The following SYBU variants were observed in gnomAD, a reference collection of about 807,000 sequenced individuals.
The protein encoded by SYBU is GOLSYN A protein.
SYBU carries 21 observed loss-of-function variants against 35.9 expected under a neutral mutation model. The ratio of observed to expected loss-of-function variants is 0.58; its 90% confidence interval spans 0.41 to 0.84. The LOEUF (loss-of-function observed/expected upper bound fraction) is 0.84, where lower values mean the gene tolerates loss of function less well. Ranked by LOEUF, SYBU falls within the 40% of genes least tolerant of loss-of-function variation. The probability of loss-of-function intolerance (pLI) is 0.00; values close to 1 mark genes in which losing one functional copy is unlikely to be tolerated. For missense variants in SYBU, 768 were observed against 848.2 expected, an observed-to-expected ratio of 0.91 and a Z score of 1.17; for synonymous variants, 319 against 324.3, an observed-to-expected ratio of 0.98 and a Z score of 0.18.
chr8:109,628,627 G>A (rs1423344913), intron 2 of SYBU, among the ~76,000 whole-genome samples: 1 of 152,120 alleles, frequency 6.6e-6, no homozygotes, highest in African/African-American at 2.4e-5. Context: ...ATAGGCATGA[G>A]CGGCTGCACC....
At chr8:109,607,279 T>A (rs1305127104) in intron 3 of SYBU, among the ~76,000 whole-genome samples, 1 of 152,228 alleles carries the variant, frequency 6.6e-6, no homozygotes, top group Non-Finnish European at 1.5e-5. Flanking sequence ...CCCAATTCCA[T>A]GAACATTAAC....
intron 1 of SYBU, among the ~76,000 whole-genome samples, chr8:109,654,437 C>T (rs1816275913): frequency 6.6e-6 from 1 of 152,162 alleles, no homozygotes; most frequent in Non-Finnish European, 1.5e-5. Flanking sequence ...TTTTCTGGAA[C>T]ATTGCCCTCC....
chr8:109,643,234 C>A (rs1477959259), intron 1 of SYBU: 27 of 1,046,060 alleles, frequency 2.6e-5, no homozygotes, highest in Non-Finnish European at 3.0e-5. Flanking sequence ...GGTCCTGACT[C>A]ACCTTCCCAC....
intron 3 of SYBU, among the ~76,000 whole-genome samples, chr8:109,593,128 G>T (rs1824471201): frequency 6.6e-6 from 1 of 152,158 alleles, no homozygotes; most frequent in East Asian, 1.9e-4. Flanking sequence ...GAGGAGGGTG[G>T]CCCAGGCATC....
rs546916269 is a variant in SYBU at position 109,644,663 on chromosome 8, G to T, written c.-4C>A. Reference sequence around the variant, plus strand: ...TGCTCTCGCGGAGGGGCCCCATCGCGCCGCTGCCCGCCGGCTCCTCGCGCC... The same window carrying T: ...TGCTCTCGCGGAGGGGCCCCATCGCTCCGCTGCCCGCCGGCTCCTCGCGCC... On this transcript the variant is annotated 5_prime_UTR_variant, in exon 1 of 7. Coordinates refer to ENST00000276646, the MANE Select transcript of SYBU (RefSeq NM_001099754.2). 3.3e-6 allele frequency: 5 copies of T among 1,518,852 alleles called. No individual in the cohort carries two copies. In the African/African-American group the frequency reaches 7.1e-5, roughly 22 times the overall value. 94.1% of individuals were successfully genotyped at this position (1,518,852 alleles called of 1,614,324 possible). A position where few individuals can be genotyped will look rare whatever the true frequency, so the allele number is the denominator to read the frequency against.
At chr8:109,601,506 A>C (rs1173141893) in intron 3 of SYBU, among the ~76,000 whole-genome samples, 1 of 152,210 alleles carries the variant, frequency 6.6e-6, no homozygotes, top group Non-Finnish European at 1.5e-5. Flanking sequence ...ACAGACAAAC[A>C]ACCAGGATAT....
intron 1 of SYBU, among the ~76,000 whole-genome samples, chr8:109,670,691 T>C (rs572804396): frequency 6.6e-6 from 1 of 152,122 alleles, no homozygotes; most frequent in Non-Finnish European, 1.5e-5. Flanking sequence ...GATCTTTAAA[T>C]AAAATTTTAA....
At chr8:109,610,443 G>T (rs970761644) in intron 3 of SYBU, among the ~76,000 whole-genome samples, 3 of 152,122 alleles carry the variant, frequency 2.0e-5, no homozygotes, top group Admixed American at 1.3e-4. Flanking sequence ...TGAAATGAGG[G>T]TTCCCTTTCC....
At chr8:109,638,384 T>G (rs562872612) in intron 2 of SYBU, among the ~76,000 whole-genome samples, 2 of 151,924 alleles carry the variant, frequency 1.3e-5, no homozygotes, top group African/African-American at 4.8e-5. Context: ...GGGAGAAAAA[T>G]GGATAGAGGC....
chr8:109,608,285 C>T (rs1406699737), intron 3 of SYBU, among the ~76,000 whole-genome samples: 1 of 152,164 alleles, frequency 6.6e-6, no homozygotes, highest in Non-Finnish European at 1.5e-5. Context: ...GATGAATCCT[C>T]GGACAATATT....
intron 2 of SYBU, among the ~76,000 whole-genome samples, chr8:109,625,257 C>T (rs1054129901): frequency 2.0e-5 from 3 of 152,180 alleles, no homozygotes; most frequent in Non-Finnish European, 4.4e-5. Context: ...GAATATCCTG[C>T]TATCATTTAA....
Position 109,644,492 on chromosome 8 carries a change from G to A in SYBU, c.24+144C>T, listed in dbSNP as rs1050138096. On this transcript the variant is annotated intron_variant, in intron 1 of 6. Transcript: ENST00000276646. ...TCTCAACTCCTAAGCAATGCCTCCT[G>A]CCTTCTCCAGACCCCACCACCACCT... is the stretch of plus-strand genomic sequence containing the variant. 2.4e-5 allele frequency: 23 copies of A among 943,426 alleles called. No homozygotes were observed. In the East Asian group the frequency reaches 5.6e-4, roughly 23 times the overall value. 58.4% of individuals were successfully genotyped at this position (943,426 alleles called of 1,614,324 possible).
At chr8:109,682,113 A>T (rs1289219069), upstream of SYBU, among the ~76,000 whole-genome samples, 1 of 152,152 alleles carries the variant, frequency 6.6e-6, no homozygotes, top group Non-Finnish European at 1.5e-5. Context: ...GCAGCACGAG[A>T]ATAGACTAAT....
intron 1 of SYBU, among the ~76,000 whole-genome samples, chr8:109,688,396 T>C (rs1282637582): frequency 5.9e-5 from 9 of 152,180 alleles, no homozygotes; most frequent in Admixed American, 4.6e-4. Flanking sequence ...GAACCTTTCT[T>C]TCCTTTGCCA....
At chr8:109,675,105 C>T (rs1817135955) in intron 1 of SYBU, among the ~76,000 whole-genome samples, 1 of 152,072 alleles carries the variant, frequency 6.6e-6, no homozygotes, top group African/African-American at 2.4e-5. Context: ...AACAAAGACA[C>T]AATGTATCAG....
intron 1 of SYBU, 54 bp downstream of exon 1, chr8:109,644,582 C>G (rs941521317): frequency 6.5e-6 from 10 of 1,530,716 alleles, no homozygotes; most frequent in Non-Finnish European, 8.8e-6. Context: ...CTTCTCGCCC[C>G]GCAGTGCCCG....
rs186603800 is a variant in SYBU at position 109,582,486 on chromosome 8, G to A, written c.531-2484C>T. Among the ~76,000 whole-genome samples, 175 of 152,222 alleles carry A rather than the reference G, an allele frequency of 1.1e-3. 1 individual carries two copies. Among genetic ancestry groups the A allele is most frequent in the Non-Finnish European group, 1.9e-3 (130 of 68,006 alleles). The stretch of plus-strand genomic sequence containing the variant: ...CTTCAGTCTGGTGGACAAGAAAAAC[G>A]CAGTCCACAAAGAGGAAAGAAAATT... On this transcript the variant is annotated intron_variant, in intron 4 of 6. Transcript: ENST00000276646.
chr8:109,603,097 G>A (rs1171321465), intron 3 of SYBU, among the ~76,000 whole-genome samples: 1 of 152,228 alleles, frequency 6.6e-6, no homozygotes, highest in East Asian at 1.9e-4. Flanking sequence ...CGCCCCAGGA[G>A]GGGACATGCA....
At chr8:109,678,134 CAAA>C (rs758399888) in intron 1 of SYBU, among the ~76,000 whole-genome samples, 545 of 43,070 alleles carry the variant, frequency 0.013, 1 homozygote, top group African/African-American at 0.035. Context: ...AACTCCACCT[CAAA>C]AAAAAAAAAA....
Sources: gnomAD v4.1 joint callset for allele counts (sites outside exome capture counted in the v4.1 genomes callset) on GRCh38, gnomAD v4.1.1 for gene constraint, MANE v1.5 for transcripts, NCBI Gene and HGNC (gene_info 2026-07-23, HGNC 2026-07-21) for gene names.